Variants in CFAP299 observed in about 807,000 individuals in gnomAD.
The protein encoded by CFAP299 is cilia- and flagella-associated protein 299.
CFAP299 carries 21 observed loss-of-function variants against 27.0 expected under a neutral mutation model. The ratio of observed to expected loss-of-function variants is 0.78; its 90% CI spans 0.55 to 1.12. CFAP299 has a LOEUF of 1.12. Among genes scored for constraint, CFAP299 ranks in the 50% most tolerant of loss-of-function variants. The pLI is 0.00. For synonymous variants in CFAP299, 104 were observed against 98.1 expected (o/e 1.06, Z -0.36); for missense variants, 310 against 276.6 (o/e 1.12, Z -0.86).
intron 4 of CFAP299, among the ~76,000 whole-genome samples, chr4:80,943,795 A>T (rs1409337770): frequency 6.6e-6 from 1 of 152,152 alleles, no homozygotes; most frequent in East Asian, 1.9e-4. Context: ...TGGGCTGGGC[A>T]TAGTGGCTCA....
intron 4 of CFAP299, among the ~76,000 whole-genome samples, chr4:80,920,092 T>G (rs1016766163): frequency 2.0e-5 from 3 of 152,140 alleles, no homozygotes; most frequent in Non-Finnish European, 4.4e-5. Context: ...ATTGAAGTTT[T>G]GTCTACTCTT....
rs910279628 is a variant in CFAP299 at position 80,501,454 on chromosome 4, A to G, written c.243-81639A>G. On this transcript the variant is annotated intron_variant, in intron 2 of 5. Coordinates refer to ENST00000358105, the MANE Select transcript of CFAP299 (RefSeq NM_152770.3). Reference sequence around the variant, plus strand: ...ATATAAATTATAAATATTCATATTTATAATGAAAAGATTTATAATTATACA... The same window carrying G: ...ATATAAATTATAAATATTCATATTTGTAATGAAAAGATTTATAATTATACA... Among the ~76,000 whole-genome samples the G allele has an allele frequency of 2.7e-5, 4 of 147,670 alleles. No homozygotes were observed. In the Admixed American group the frequency reaches 2.7e-4, roughly 10 times the overall value.
At chr4:80,664,664 G>A (rs1255869331) in intron 3 of CFAP299, among the ~76,000 whole-genome samples, 1 of 152,118 alleles carries the variant, frequency 6.6e-6, no homozygotes, top group Non-Finnish European at 1.5e-5. Context: ...AGCTTGCTGG[G>A]CTCCCTGGGG....
intron 2 of CFAP299, among the ~76,000 whole-genome samples, chr4:80,378,912 T>C (rs1036080849): frequency 3.9e-5 from 6 of 152,118 alleles, no homozygotes; most frequent in Admixed American, 2.6e-4. Flanking sequence ...CTTTAGTCTT[T>C]TTGTAAGGCC....
chr4:80,545,375 A>T (rs1734176210), intron 2 of CFAP299, among the ~76,000 whole-genome samples: 1 of 152,144 alleles, frequency 6.6e-6, no homozygotes, highest in South Asian at 2.1e-4. Context: ...TGAAATTGAG[A>T]TGGGAAAATT....
chr4:80,923,808 A>G (rs780685480), intron 4 of CFAP299, among the ~76,000 whole-genome samples: 46 of 152,022 alleles, frequency 3.0e-4, no homozygotes, highest in Non-Finnish European at 4.6e-4. Context: ...TTTAAAAATT[A>G]TGAGACAATT....
At chr4:80,755,433 T>C (rs1211317287) in intron 3 of CFAP299, among the ~76,000 whole-genome samples, 2 of 152,138 alleles carry the variant, frequency 1.3e-5, no homozygotes, top group Non-Finnish European at 2.9e-5. Context: ...TTATAAATTA[T>C]GACCAAGTAA....
intron 3 of CFAP299, among the ~76,000 whole-genome samples, chr4:80,678,887 A>G (rs1164295537): frequency 6.6e-6 from 1 of 152,084 alleles, no homozygotes; most frequent in Non-Finnish European, 1.5e-5. Flanking sequence ...GGGATATTGA[A>G]ATTGGTAATC....
chr4:80,703,476 A>G (rs542656637), intron 3 of CFAP299, among the ~76,000 whole-genome samples: 2 of 151,830 alleles, frequency 1.3e-5, no homozygotes, highest in South Asian at 4.1e-4. Flanking sequence ...CAGTAACAAG[A>G]GACAAGATGG....
intron 5 of CFAP299, among the ~76,000 whole-genome samples, chr4:80,955,809 C>T (rs1188302493): frequency 6.6e-6 from 1 of 152,076 alleles, no homozygotes; most frequent in African/African-American, 2.4e-5. Flanking sequence ...AGAGACCAGC[C>T]TGGCCATGAA....
intron 4 of CFAP299, among the ~76,000 whole-genome samples, chr4:80,914,224 A>G (rs1735631512): frequency 6.6e-6 from 1 of 152,222 alleles, no homozygotes. Flanking sequence ...ATTATTGGAT[A>G]TGATAAGCAC....
intron 1 of CFAP299, among the ~76,000 whole-genome samples, chr4:80,344,915 GA>G (rs1354029195): frequency 2.0e-5 from 3 of 152,124 alleles, no homozygotes; most frequent in African/African-American, 7.2e-5. Flanking sequence ...AATAGATGCA[GA>G]AAAGACCTTC....
intron 3 of CFAP299, among the ~76,000 whole-genome samples, chr4:80,604,774 A>G (rs1263412334): frequency 6.6e-6 from 1 of 152,226 alleles, no homozygotes; most frequent in Non-Finnish European, 1.5e-5. Context: ...ACAACAATCA[A>G]AAAACGAAGT....
At chr4:80,961,541 C>A (rs1420337359) in intron 5 of CFAP299, among the ~76,000 whole-genome samples, 1 of 151,684 alleles carries the variant, frequency 6.6e-6, no homozygotes, top group African/African-American at 2.4e-5. Context: ...AACAGAGATT[C>A]TTTAATTTAG....
At chr4:80,521,161 A>G (rs920671925) in intron 2 of CFAP299, among the ~76,000 whole-genome samples, 1 of 152,216 alleles carries the variant, frequency 6.6e-6, no homozygotes, top group Non-Finnish European at 1.5e-5. Flanking sequence ...GATGGAGATT[A>G]TAGGTCTTTT....
intron 2 of CFAP299, among the ~76,000 whole-genome samples, chr4:80,535,314 T>C (rs1422452929): frequency 1.3e-5 from 2 of 151,890 alleles, no homozygotes; most frequent in African/African-American, 2.4e-5. Context: ...GGGAAAAATA[T>C]TTAATTTCAC....
At chr4:80,909,779 ATAGT>A (rs1348829004) in intron 4 of CFAP299, among the ~76,000 whole-genome samples, 3 of 152,244 alleles carry the variant, frequency 2.0e-5, no homozygotes, top group Non-Finnish European at 2.9e-5. Flanking sequence ...AAAAGAACAA[ATAGT>A]TAATGTAAAA....
intron 3 of CFAP299, among the ~76,000 whole-genome samples, chr4:80,684,231 C>T (rs980260117): frequency 6.6e-6 from 1 of 150,770 alleles, no homozygotes; most frequent in African/African-American, 2.4e-5. Flanking sequence ...TTTTTCTGTT[C>T]GTTTTTATTT....
chr4:80,351,356 TAGC>T (rs1013377927), intron 1 of CFAP299, among the ~76,000 whole-genome samples: 2 of 152,150 alleles, frequency 1.3e-5, no homozygotes, highest in Non-Finnish European at 2.9e-5. Flanking sequence ...GCACAAAAGA[TAGC>T]AGAGGATAAT....
Sources: allele counts gnomAD v4.1 joint callset (sites outside exome capture counted in the v4.1 genomes callset), GRCh38; gene constraint gnomAD v4.1.1; transcripts MANE v1.5; gene names NCBI Gene and HGNC (gene_info 2026-07-23, HGNC 2026-07-21).